DNM3: variants seen among roughly 807,000 people sequenced by gnomAD.
DNM3 encodes the protein dynamin-3.
Under a neutral mutation model 101.6 loss-of-function variants are expected in DNM3, and 47 were observed. That is an observed-to-expected ratio of 0.46 (90% CI 0.37 to 0.59). The LOEUF is 0.59. Among genes scored for constraint, DNM3 ranks in the 20% least tolerant of loss-of-function variants. DNM3 has a pLI of 0.00. For synonymous variants in DNM3, 385 were observed against 387.9 expected (o/e 0.99, Z 0.09); for missense variants, 849 against 1,085.7 (o/e 0.78, Z 3.06).
intron 11 of DNM3, among the ~76,000 whole-genome samples, chr1:172,072,743 T>A (rs1392756305): frequency 3.9e-5 from 6 of 152,110 alleles, no homozygotes; most frequent in African/African-American, 1.4e-4. Context: ...AAAAATTAAC[T>A]GGGCATGATG....
rs528933647 is a variant in DNM3 at position 171,954,170 on chromosome 1, T to A, written c.235+32349T>A. ...TTGCAGCCCATTGTAACTGCCAAAT[T>A]TTTTTTCTTTTTTGCACTTTGCCTG... On this transcript the variant is annotated intron_variant, in intron 2 of 20. Coordinates refer to ENST00000627582, the MANE Select transcript of DNM3 (RefSeq NM_015569.5). 8.5e-5 allele frequency among the ~76,000 whole-genome samples: 13 copies of A among 152,320 alleles called. No individual in the cohort carries two copies. In the South Asian group the frequency reaches 2.3e-3, roughly 27 times the overall value.
intron 10 of DNM3, 50 bp downstream of exon 10, chr1:172,048,800 A>AT: frequency 6.3e-7 from 1 of 1,586,410 alleles, no homozygotes; most frequent in Non-Finnish European, 8.6e-7. Flanking sequence ...GTTTATCAAC[A>AT]TTCCCTATCT....
At chr1:171,913,941 A>G (rs1244538159) in intron 1 of DNM3, among the ~76,000 whole-genome samples, 1 of 151,586 alleles carries the variant, frequency 6.6e-6, no homozygotes, top group Non-Finnish European at 1.5e-5. Flanking sequence ...GGCTCAAGCC[A>G]CCATGCCCAG....
intron 15 of DNM3, among the ~76,000 whole-genome samples, chr1:172,294,192 A>G (rs541019658): frequency 1.3e-5 from 2 of 152,344 alleles, no homozygotes; most frequent in African/African-American, 4.8e-5. Context: ...AAAATTTCCA[A>G]CAATAAACTT....
intron 1 of DNM3, among the ~76,000 whole-genome samples, chr1:171,920,134 C>G (rs2040040836): frequency 6.6e-6 from 1 of 152,190 alleles, no homozygotes; most frequent in Non-Finnish European, 1.5e-5. Flanking sequence ...CACAGTAGCA[C>G]TTGCCAAATA....
Position 172,408,749 on chromosome 1 carries a change from GA to G in DNM3, c.*916del, listed in dbSNP as rs910634292. The G allele has an allele frequency of 8.1e-6, 8 of 984,836 alleles. No homozygotes were observed. Among genetic ancestry groups the G allele is most frequent in the Non-Finnish European group, 9.6e-6 (8 of 829,634 alleles). The allele number at this position is 984,836 out of a possible 1,614,324, so 61.0% of individuals were successfully genotyped here. On this transcript the variant is annotated 3_prime_UTR_variant, in exon 21 of 21. Transcript: ENST00000627582. ...AGTTTTACTATTATTATTTTGGTTG[GA>G]AAAAAAATTCACTCTTTACGTGCTA...
At chr1:172,286,827 T>C (rs1446794493) in intron 15 of DNM3, among the ~76,000 whole-genome samples, 1 of 152,160 alleles carries the variant, frequency 6.6e-6, no homozygotes, top group Non-Finnish European at 1.5e-5. Context: ...GCTGTTGCTG[T>C]TTTTAGAAGC....
chr1:172,300,599 T>A (rs1278358901), intron 15 of DNM3, among the ~76,000 whole-genome samples: 3 of 152,232 alleles, frequency 2.0e-5, no homozygotes, highest in Non-Finnish European at 4.4e-5. Context: ...CTGGGATAAC[T>A]GGCTAGCCAT....
At chr1:172,294,776 G>GT (rs200745500) in intron 15 of DNM3, among the ~76,000 whole-genome samples, 1 of 151,766 alleles carries the variant, frequency 6.6e-6, no homozygotes, top group African/African-American at 2.4e-5. Flanking sequence ...AGCCAGGCTG[G>GT]GACTGCAAGG....
At chr1:172,247,187 G>A (rs548081059) in intron 14 of DNM3, among the ~76,000 whole-genome samples, 1 of 152,098 alleles carries the variant, frequency 6.6e-6, no homozygotes, top group African/African-American at 2.4e-5. Context: ...GTCTACGCAC[G>A]TTTTTGGTGC....
At chr1:172,279,214 G>T (rs955108006) in intron 15 of DNM3, among the ~76,000 whole-genome samples, 6 of 152,062 alleles carry the variant, frequency 3.9e-5, no homozygotes, top group African/African-American at 1.4e-4. Context: ...TATAGTAAAA[G>T]CATATTCATT....
chr1:172,272,990 A>G (rs2063142156), intron 15 of DNM3, among the ~76,000 whole-genome samples: 1 of 152,058 alleles, frequency 6.6e-6, no homozygotes, highest in Admixed American at 6.6e-5. Flanking sequence ...CCTATGTCTA[A>G]AATATTTTAT....
At chr1:172,215,436 C>A (rs2060658424) in intron 14 of DNM3, among the ~76,000 whole-genome samples, 2 of 151,950 alleles carry the variant, frequency 1.3e-5, no homozygotes, top group African/African-American at 2.4e-5. Flanking sequence ...TTTTTGAATG[C>A]ATAAGAACCC....
chr1:172,408,764 C>T lies in DNM3; in HGVS notation c.*923C>T, dbSNP rs45455896. On this transcript the variant is annotated 3_prime_UTR_variant, in exon 21 of 21. Transcript: ENST00000627582. ...ATTTTGGTTGGAAAAAAAATTCACT[C>T]TTTACGTGCTAATTTGTAATCTTGT... The T allele has an allele frequency of 0.012, 11,430 of 985,202 alleles. 67 individuals carry two copies. Among genetic ancestry groups the T allele is most frequent in the Non-Finnish European group, 0.013 (10,491 of 829,748 alleles). 61.0% of individuals were successfully genotyped at this position (985,202 alleles called of 1,614,324 possible).
Position 172,388,713 on chromosome 1 carries a change from C to T in DNM3, c.2426C>T (p.Pro809Leu), listed in dbSNP as rs1041688906. ...HSGAPPVPFR[P>L]GPLPPFPSSS... ...GGGGCTCCTCCAGTCCCATTCCGTC[C>T]AGGCCCATTACCTCCTTTCCCCAGC... Residue 809 changes from proline to leucine, a missense_variant, in exon 20 of 21, where the codon CCA becomes CTA. Transcript: ENST00000627582. 1 of 1,613,774 alleles carries T rather than the reference C, an allele frequency of 6.2e-7. No homozygotes were observed. Among genetic ancestry groups the T allele is most frequent in the Non-Finnish European group, 8.5e-7 (1 of 1,179,822 alleles).
intron 14 of DNM3, among the ~76,000 whole-genome samples, chr1:172,184,368 A>G (rs1333917196): frequency 1.3e-5 from 2 of 152,160 alleles, no homozygotes; most frequent in Non-Finnish European, 2.9e-5. Flanking sequence ...TACCCACTAC[A>G]TAAAATAAAA....
intron 2 of DNM3, among the ~76,000 whole-genome samples, chr1:171,942,824 G>C (rs946291920): frequency 5.3e-5 from 8 of 152,118 alleles, no homozygotes; most frequent in African/African-American, 1.4e-4. Context: ...GCAGGAGCCA[G>C]TGCAAGGCTG....
chr1:171,979,825 A>G (rs775328011), intron 2 of DNM3, among the ~76,000 whole-genome samples: 3 of 152,230 alleles, frequency 2.0e-5, no homozygotes, highest in South Asian at 2.1e-4. Flanking sequence ...ATACTGTTCA[A>G]CTGGCTTCGG....
chr1:172,153,973 C>A (rs1283823211), intron 14 of DNM3, among the ~76,000 whole-genome samples: 4 of 151,988 alleles, frequency 2.6e-5, no homozygotes, highest in African/African-American at 9.7e-5. Context: ...CAAATATTTC[C>A]AAATAACATA....
Sources: gnomAD v4.1 joint callset for allele counts (sites outside exome capture counted in the v4.1 genomes callset) on GRCh38, gnomAD v4.1.1 for gene constraint, MANE v1.5 for transcripts, NCBI Gene and HGNC (gene_info 2026-07-23, HGNC 2026-07-21) for gene names.